Variants in SLC17A1 observed in about 807,000 individuals in gnomAD.
SLC17A1 encodes solute carrier family 17 member 1, also known as sodium-dependent phosphate transport protein 1.
In SLC17A1, 51 loss-of-function variants were observed where a neutral mutation model predicts 53.5. The observed-to-expected ratio is 0.95, with a 90% CI of 0.76 to 1.20. The LOEUF is 1.20. SLC17A1 is among the 50% of genes most tolerant of loss of function. SLC17A1 has a pLI of 0.00. For synonymous variants in SLC17A1, 179 were observed against 198.8 expected, an observed-to-expected ratio of 0.90 and a Z score of 0.84; for missense variants, 538 against 568.2, an observed-to-expected ratio of 0.95 and a Z score of 0.54.
the SLC17A1 span, chr6:25,776,852 G>A: frequency 1.9e-5 from 30 of 1,613,686 alleles, no homozygotes; most frequent in Non-Finnish European, 2.4e-5. Context: ...CCCTGCCCTG[G>A]GTCAGATCCA....
At chr6:25,795,211 G>A (rs1763579079) in intron 12 of SLC17A1, among the ~76,000 whole-genome samples, 1 of 152,136 alleles carries the variant, frequency 6.6e-6, no homozygotes, top group African/African-American at 2.4e-5. Flanking sequence ...GATGCCAAGG[G>A]CAACCAGGTA....
intron 6 of SLC17A1, among the ~76,000 whole-genome samples, chr6:25,815,378 A>G (rs993155715): frequency 6.6e-6 from 1 of 152,052 alleles, no homozygotes; most frequent in African/African-American, 2.4e-5. Flanking sequence ...CCAAGAATAA[A>G]TAAAAAAAAA....
intron 6 of SLC17A1, among the ~76,000 whole-genome samples, chr6:25,816,939 C>T (rs898406987): frequency 2.6e-5 from 4 of 151,514 alleles, no homozygotes; most frequent in Non-Finnish European, 5.9e-5. Flanking sequence ...ACTCTGCCTC[C>T]CGGATTCAAG....
intron 12 of SLC17A1, among the ~76,000 whole-genome samples, chr6:25,795,145 C>T (rs1267988945): frequency 6.6e-6 from 1 of 152,170 alleles, no homozygotes; most frequent in African/African-American, 2.4e-5. Context: ...CCCTCTGCCA[C>T]TTAGCCTAAT....
the SLC17A1 span, among the ~76,000 whole-genome samples, chr6:25,737,798 T>C: frequency 6.6e-6 from 1 of 152,198 alleles, no homozygotes; most frequent in African/African-American, 2.4e-5. Flanking sequence ...TCTACGATTG[T>C]TACGACAGAG....
At chr6:25,829,429 G>T (rs1469798921) in intron 2 of SLC17A1, among the ~76,000 whole-genome samples, 3 of 152,114 alleles carry the variant, frequency 2.0e-5, no homozygotes, top group Non-Finnish European at 4.4e-5. Context: ...CCTTTGATTT[G>T]CTGCCTAAAC....
intron 1 of SLC17A1, among the ~76,000 whole-genome samples, chr6:25,831,117 C>CCA (rs1764930629): frequency 6.6e-6 from 1 of 152,140 alleles, no homozygotes; most frequent in Admixed American, 6.5e-5. Flanking sequence ...CAAGCAGAGG[C>CCA]TAATCATTCG....
chr6:25,821,392 A>G (rs1764555965), intron 3 of SLC17A1, among the ~76,000 whole-genome samples: 1 of 152,228 alleles, frequency 6.6e-6, no homozygotes, highest in Non-Finnish European at 1.5e-5. Flanking sequence ...ACATCCTTAT[A>G]GTAGCCTGGG....
chr6:25,777,011 G>C, the SLC17A1 span: 2 of 1,545,546 alleles, frequency 1.3e-6, no homozygotes, highest in Non-Finnish European at 1.7e-6. Flanking sequence ...AAGTCTAGCA[G>C]CCCTAAATCT....
At chr6:25,749,568 A>G in the SLC17A1 span, among the ~76,000 whole-genome samples, 1 of 152,224 alleles carries the variant, frequency 6.6e-6, no homozygotes, top group Non-Finnish European at 1.5e-5. Flanking sequence ...TTACTTCTTG[A>G]ACTGTATACA....
chr6:25,765,149 G>A, the SLC17A1 span, among the ~76,000 whole-genome samples: 44,084 of 152,036 alleles, frequency 0.29, 7,196 homozygotes, highest in East Asian at 0.68. Context: ...AGGAACCTAC[G>A]TAAATATGTT....
the SLC17A1 span, among the ~76,000 whole-genome samples, chr6:25,730,770 GT>G: frequency 6.6e-6 from 1 of 152,308 alleles, no homozygotes; most frequent in East Asian, 1.9e-4. Context: ...AATGAAAATA[GT>G]TGGGTGGAGA....
intron 10 of SLC17A1, among the ~76,000 whole-genome samples, chr6:25,807,996 C>T (rs915615476): frequency 1.3e-5 from 2 of 152,050 alleles, no homozygotes; most frequent in Non-Finnish European, 1.5e-5. Context: ...AGTGGGATTG[C>T]TGGGTCAAAT....
chr6:25,817,304 A>G (rs1299765643), intron 6 of SLC17A1, among the ~76,000 whole-genome samples: 2 of 152,254 alleles, frequency 1.3e-5, no homozygotes, highest in African/African-American at 4.8e-5. Context: ...AGAATATTCC[A>G]ATGGAATTTT....
the SLC17A1 span, chr6:25,726,771 A>G: frequency 1.5e-3 from 1,831 of 1,188,774 alleles, 13 homozygotes; most frequent in East Asian, 0.018. Flanking sequence ...TTCATCCTCC[A>G]GTTCTGTTTG....
chr6:25,738,759 A>G, the SLC17A1 span, among the ~76,000 whole-genome samples: 1 of 152,228 alleles, frequency 6.6e-6, no homozygotes, highest in Non-Finnish European at 1.5e-5. Flanking sequence ...AAGGACACAC[A>G]AAGGGCAAAA....
At chr6:25,769,008 C>A in the SLC17A1 span, 14 of 1,614,062 alleles carry the variant, frequency 8.7e-6, no homozygotes, top group African/African-American at 1.7e-4. Context: ...CCGACATGGG[C>A]TGGCCCTCAT....
the SLC17A1 span, chr6:25,732,239 C>G: frequency 9.3e-6 from 3 of 324,008 alleles, no homozygotes; most frequent in Admixed American, 4.3e-5. Flanking sequence ...TAGGCATGGC[C>G]CTCAACCTAC....
chr6:25,804,610 C>A (rs1441004309), intron 10 of SLC17A1, among the ~76,000 whole-genome samples: 1 of 151,952 alleles, frequency 6.6e-6, no homozygotes, highest in Non-Finnish European at 1.5e-5. Context: ...AAAAAAATCA[C>A]AAAACAAATA....
Sources: allele counts gnomAD v4.1 joint callset (sites outside exome capture counted in the v4.1 genomes callset), GRCh38; gene constraint gnomAD v4.1.1; transcripts MANE v1.5; gene names NCBI Gene and HGNC (gene_info 2026-07-23, HGNC 2026-07-21).